The following NR2C2 variants were observed in gnomAD, a reference collection of about 807,000 sequenced individuals.
NR2C2 encodes the protein Nuclear hormone receptor TR4.
In NR2C2, 6 loss-of-function variants were observed where a neutral mutation model predicts 62.9. The observed-to-expected ratio is 0.10, with a 90% CI of 0.05 to 0.19. The LOEUF is 0.19. Among genes scored for constraint, NR2C2 ranks in the 10% least tolerant of loss-of-function variants. The pLI is 1.00. For missense variants in NR2C2, 479 were observed against 762.7 expected (o/e 0.63, Z 4.38); for synonymous variants, 272 against 273.8 (o/e 0.99, Z 0.07).
intron 3 of NR2C2, among the ~76,000 whole-genome samples, chr3:15,015,200 T>C (rs1416437166): frequency 6.6e-6 from 1 of 152,264 alleles, no homozygotes; most frequent in African/African-American, 2.4e-5. Flanking sequence ...GAGGTGATTC[T>C]ACTTAATGAT....
At chr3:14,973,426 G>A (rs1000043493) in intron 1 of NR2C2, among the ~76,000 whole-genome samples, 11 of 152,006 alleles carry the variant, frequency 7.2e-5, no homozygotes, top group Admixed American at 3.3e-4. Flanking sequence ...TAAAGACAGG[G>A]TCTTGCTATG....
At chr3:14,990,235 T>G (rs1378833526) in intron 1 of NR2C2, among the ~76,000 whole-genome samples, 2 of 152,228 alleles carry the variant, frequency 1.3e-5, no homozygotes, top group African/African-American at 4.8e-5. Context: ...TTGAGTTGGT[T>G]GGACTCCATG....
chr3:15,039,367 G>C, intron 13 of NR2C2, 140 bp downstream of exon 13: 1 of 645,508 alleles, frequency 1.5e-6, no homozygotes, highest in South Asian at 1.9e-5. Flanking sequence ...TCTAATTCTT[G>C]AGTTTTCTTT....
intron 1 of NR2C2, among the ~76,000 whole-genome samples, chr3:14,949,261 A>C (rs527262042): frequency 6.6e-6 from 1 of 152,286 alleles, no homozygotes; most frequent in South Asian, 2.1e-4. Flanking sequence ...GCTGAAGAAG[A>C]CCTGAGGCGT....
At chr3:15,029,792 A>AATAGATAG (rs144596298) in intron 8 of NR2C2, among the ~76,000 whole-genome samples, 4,462 of 139,054 alleles carry the variant, frequency 0.032, 98 homozygotes, top group East Asian at 0.068. Flanking sequence ...GTAAATAAAT[A>AATAGATAG]ATAGATAGAT....
intron 9 of NR2C2, 122 bp downstream of exon 9, chr3:15,030,574 T>A: frequency 9.6e-7 from 1 of 1,045,056 alleles, no homozygotes; most frequent in East Asian, 2.8e-5. Flanking sequence ...ATGCCTGTAA[T>A]CTTAGCACTT....
In NR2C2 at chr3:14,947,800, C is replaced by G. The variant is rs1438752658; in HGVS notation, c.-146C>G. ...CCGCGGCCCCCGGGCTCCCGCCATC[C>G]GCCGACACCGGGAGCCCGGGCTCCC... On this transcript the variant is annotated 5_prime_UTR_variant, in exon 1 of 14. Transcript: ENST00000425241. The G allele has an allele frequency of 6.7e-6, 1 of 149,652 alleles. No homozygotes were observed. The highest frequency in any genetic ancestry group is 2.4e-5 in the African/African-American group (1 of 41,032). 9.3% of individuals were successfully genotyped at this position (149,652 alleles called of 1,614,324 possible).
chr3:14,970,693 A>T (rs924818200), intron 1 of NR2C2, among the ~76,000 whole-genome samples: 1 of 152,184 alleles, frequency 6.6e-6, no homozygotes, highest in African/African-American at 2.4e-5. Flanking sequence ...TTTTAAGACT[A>T]ATATTCTACT....
chr3:14,988,164 C>T (rs921900167), intron 1 of NR2C2, among the ~76,000 whole-genome samples: 1 of 152,258 alleles, frequency 6.6e-6, no homozygotes, highest in African/African-American at 2.4e-5. Context: ...TGGAACAACA[C>T]CCAGAATCAC....
At chr3:15,039,097 G>GT (rs1553575034) in intron 12 of NR2C2, 25 bp from the exon 13 acceptor site, 1 of 1,538,508 alleles carries the variant, frequency 6.5e-7, no homozygotes, top group African/African-American at 1.4e-5. Flanking sequence ...GAGGGAACTG[G>GT]GGGGGGGTAC....
intron 1 of NR2C2, among the ~76,000 whole-genome samples, chr3:14,982,592 CTT>C (rs1559544315): frequency 1.3e-5 from 2 of 151,824 alleles, no homozygotes; most frequent in African/African-American, 4.8e-5. Context: ...TTATAAATAT[CTT>C]ATTGAAATTT....
intron 1 of NR2C2, among the ~76,000 whole-genome samples, chr3:14,963,921 C>G (rs187546718): frequency 6.6e-6 from 1 of 152,104 alleles, no homozygotes; most frequent in East Asian, 1.9e-4. Context: ...TTACCTACCC[C>G]CCTCCCCACC....
intron 1 of NR2C2, among the ~76,000 whole-genome samples, chr3:14,966,412 G>C (rs1002272004): frequency 6.6e-6 from 1 of 152,108 alleles, no homozygotes; most frequent in Admixed American, 6.5e-5. Context: ...TTAAATCCTC[G>C]TCTCTATTAT....
At chr3:15,040,401 C>G (rs1314230569) in intron 13 of NR2C2, among the ~76,000 whole-genome samples, 1 of 152,166 alleles carries the variant, frequency 6.6e-6, no homozygotes, top group African/African-American at 2.4e-5. Context: ...AACATTGGAA[C>G]AAAATTGACA....
chr3:14,980,519 T>C (rs1262514873), intron 1 of NR2C2, among the ~76,000 whole-genome samples: 1 of 151,932 alleles, frequency 6.6e-6, no homozygotes, highest in Non-Finnish European at 1.5e-5. Flanking sequence ...ATGTGATACA[T>C]GTATTTCTGA....
chr3:15,017,632 C>T (rs1338401603), intron 4 of NR2C2, among the ~76,000 whole-genome samples: 1 of 152,144 alleles, frequency 6.6e-6, no homozygotes, highest in African/African-American at 2.4e-5. Context: ...CTCTTGGTGC[C>T]ATTGTCTCCT....
chr3:14,977,441 T>C (rs899554240), intron 1 of NR2C2, among the ~76,000 whole-genome samples: 1 of 152,186 alleles, frequency 6.6e-6, no homozygotes, highest in Non-Finnish European at 1.5e-5. Flanking sequence ...ATCTTATTTT[T>C]AATTTTGGGA....
chr3:14,989,881 G>A (rs913349870), intron 1 of NR2C2, among the ~76,000 whole-genome samples: 17 of 130,562 alleles, frequency 1.3e-4, no homozygotes, highest in Middle Eastern at 5.6e-3. Flanking sequence ...GCAGTGAGCC[G>A]AGATTGCACT....
intron 4 of NR2C2, among the ~76,000 whole-genome samples, chr3:15,018,551 G>A (rs1400403806): frequency 1.3e-5 from 2 of 152,062 alleles, no homozygotes; most frequent in African/African-American, 4.8e-5. Flanking sequence ...ACCACATGAG[G>A]TATCACCTCC....
Sources: allele counts gnomAD v4.1 joint callset (sites outside exome capture counted in the v4.1 genomes callset), GRCh38; gene constraint gnomAD v4.1.1; transcripts MANE v1.5; gene names NCBI Gene and HGNC (gene_info 2026-07-23, HGNC 2026-07-21).